ZSCAN32: variants seen among roughly 807,000 people sequenced by gnomAD.
ZSCAN32 encodes zinc finger and SCAN domain-containing protein 32.
In ZSCAN32, 52 loss-of-function variants were observed where a neutral mutation model predicts 47.4. That is an observed-to-expected ratio of 1.10 (90% CI 0.88 to 1.38). ZSCAN32 has a LOEUF of 1.38. ZSCAN32 is among the 40% of genes most tolerant of loss of function. The pLI is 0.00. For missense variants in ZSCAN32, 959 were observed against 846.0 expected, an observed-to-expected ratio of 1.13 and a Z score of -1.66; for synonymous variants, 346 against 305.7, an observed-to-expected ratio of 1.13 and a Z score of -1.38.
In ZSCAN32 at chr16:3,383,595, G is replaced by A. The variant is rs1308554722; in HGVS notation, c.1351C>T (p.Leu451=). Residue 451 remains leucine (L), a synonymous_variant, in exon 7 of 7, where the codon CTA becomes TTA. Coordinates refer to ENST00000396852, the MANE Select transcript of ZSCAN32 (RefSeq NM_001284527.2). ...GGCTCACTCTCCAAGCCTTTTTGTA[G>A]CTCAGAGTGCCAATAAACTCCTCTG... ...KSRGVYWHSE[L]QKGLESEPTS... is the part of the protein sequence containing the mutation. 1.2e-6 allele frequency: 2 copies of A among 1,613,714 alleles called. No individual in the cohort carries two copies. The highest frequency in any genetic ancestry group is 1.6e-4 in the Middle Eastern group (1 of 6,062).
chr16:3,392,991 C>G (rs542071518), intron 3 of ZSCAN32, among the ~76,000 whole-genome samples: 17 of 149,108 alleles, frequency 1.1e-4, no homozygotes, highest in African/African-American at 4.2e-4. Flanking sequence ...AACTGCTGTG[C>G]AGAAGGTGAA....
chr16:3,386,808 G>A (rs2032060858), intron 5 of ZSCAN32, among the ~76,000 whole-genome samples: 1 of 152,090 alleles, frequency 6.6e-6, no homozygotes, highest in Non-Finnish European at 1.5e-5. Flanking sequence ...GGGAGAGAGG[G>A]GAGGGATAGC....
At chr16:3,387,060 A>G (rs769703354) in intron 5 of ZSCAN32, among the ~76,000 whole-genome samples, 1 of 152,304 alleles carries the variant, frequency 6.6e-6, no homozygotes, top group East Asian at 1.9e-4. Flanking sequence ...CTTTTAGTAT[A>G]ATACAAAAGA....
In ZSCAN32 at chr16:3,382,231, TA is replaced by T. The variant is rs1259870436; in HGVS notation, c.*620del. 1 of 152,222 alleles carries T rather than the reference TA, an allele frequency of 6.6e-6. No individual in the cohort carries two copies. The highest frequency in any genetic ancestry group is 2.4e-5 in the African/African-American group (1 of 41,450). 9.4% of individuals were successfully genotyped at this position (152,222 alleles called of 1,614,324 possible). A position where few individuals can be genotyped will look rare whatever the true frequency, so the allele number is the denominator to read the frequency against. On this transcript the variant is annotated 3_prime_UTR_variant, in exon 7 of 7. Transcript: ENST00000396852. ...TCAGGAACTATGATGAGGGCAATAA[TA>T]AAAGGAGAAATCTTACAAAAAATTA...
rs2033087949 is a variant in ZSCAN32 at position 3,393,690 on chromosome 16, C to A, written c.491G>T (p.Gly164Val). ...TGGTCTTTGGTGTGAGCTCTGTGAT[C>A]CCTTAAAAGTCGGTTCCTCTGGCTG... The part of the protein sequence containing the change: ...EVQPEEPTFK[G>V]SQSSHQRPGE... Residue 164 changes from glycine (G) to valine (V), a missense_variant, in exon 3 of 7, where the codon GGA (glycine) becomes GTA (valine). Physicochemically the swap from Gly to Val is moderately radical, Grantham distance 109. Transcript: ENST00000396852. 7.1e-6 allele frequency: 11 copies of A among 1,549,806 alleles called. No homozygotes were observed. The East Asian group carries it at 7.3e-5, about 10-fold the overall frequency.
chr16:3,384,110 G>A (rs890923981), intron 6 of ZSCAN32: 1 of 507,340 alleles, frequency 2.0e-6, no homozygotes, highest in South Asian at 3.1e-5. Context: ...AAGGTGCTAA[G>A]TACCCAGCCA....
chr16:3,392,712 G>A (rs1284119317), intron 3 of ZSCAN32, among the ~76,000 whole-genome samples: 1 of 152,034 alleles, frequency 6.6e-6, no homozygotes, highest in Non-Finnish European at 1.5e-5. Flanking sequence ...TTTAGTCCCA[G>A]CTACTTGGGA....
chr16:3,398,700 G>T (rs866451166), intron 1 of ZSCAN32, among the ~76,000 whole-genome samples: 1 of 152,086 alleles, frequency 6.6e-6, no homozygotes, highest in African/African-American at 2.4e-5. Context: ...CACACACCTA[G>T]GTCTTTTTCC....
chr16:3,396,847 A>G (rs1373595515), intron 2 of ZSCAN32, among the ~76,000 whole-genome samples: 1 of 152,240 alleles, frequency 6.6e-6, no homozygotes, highest in Admixed American at 6.5e-5. Flanking sequence ...AGCTCCTAGC[A>G]TGAAACTAGA....
chr16:3,387,334 T>C (rs766534523), intron 5 of ZSCAN32, among the ~76,000 whole-genome samples: 1 of 152,204 alleles, frequency 6.6e-6, no homozygotes, highest in Non-Finnish European at 1.5e-5. Context: ...CCCTCCCTGA[T>C]ACAGGAATAC....
At chr16:3,399,616 T>G (rs1329156616) in intron 1 of ZSCAN32, among the ~76,000 whole-genome samples, 1 of 152,114 alleles carries the variant, frequency 6.6e-6, no homozygotes, top group Non-Finnish European at 1.5e-5. Flanking sequence ...ATTTTATTTG[T>G]TTTTTTATCT....
In ZSCAN32 at chr16:3,397,564, C is replaced by T. The variant is rs1207752505; in HGVS notation, c.-7G>A. The T allele has an allele frequency of 6.6e-7, 1 of 1,524,440 alleles. No homozygotes were observed. The highest frequency in any genetic ancestry group is 1.2e-5 in the South Asian group (1 of 81,016). The allele number at this position is 1,524,440 out of a possible 1,614,324, so 94.4% of individuals were successfully genotyped here. On this transcript the variant is annotated 5_prime_UTR_variant, in exon 2 of 7. An upstream open reading frame in the 5' UTR loses its in-frame stop. Coordinates refer to ENST00000396852, the MANE Select transcript of ZSCAN32 (RefSeq NM_001284527.2). Reference sequence around the variant, plus strand: ...TCTTCACTGCAGCCATCATTTGCTTCAACGAACTGGCTTACTCTGGTTGCC... The same window carrying T: ...TCTTCACTGCAGCCATCATTTGCTTTAACGAACTGGCTTACTCTGGTTGCC...
At chr16:3,387,147 T>C (rs2032108065) in intron 5 of ZSCAN32, among the ~76,000 whole-genome samples, 1 of 152,140 alleles carries the variant, frequency 6.6e-6, no homozygotes, top group Non-Finnish European at 1.5e-5. Context: ...TTATCCTCAA[T>C]CCTACTCATT....
At chr16:3,388,174 C>T (rs987863359) in intron 5 of ZSCAN32, among the ~76,000 whole-genome samples, 2 of 152,216 alleles carry the variant, frequency 1.3e-5, no homozygotes, top group African/African-American at 4.8e-5. Flanking sequence ...TCTCAGCTAG[C>T]AGCACTCATT....
chr16:3,389,922 CCTCT>C lies in ZSCAN32; in HGVS notation c.751+84_751+87del. 6 of 1,357,742 alleles carry C rather than the reference CCTCT, an allele frequency of 4.4e-6. No individual in the cohort carries two copies. In the South Asian group the frequency reaches 8.7e-5, roughly 20 times the overall value. The allele number at this position is 1,357,742 out of a possible 1,614,324, so 84.1% of individuals were successfully genotyped here. ...CCTCCACCCAACAGTCTCCCCACTC[CCTCT>C]GTCTCCCTCCCTCTCAAGTCCTTTC... On this transcript the variant is annotated intron_variant, in intron 5 of 6. Coordinates refer to ENST00000396852, the MANE Select transcript of ZSCAN32 (RefSeq NM_001284527.2).
rs908796191 is a variant in ZSCAN32 at position 3,383,099 on chromosome 16, T to C, written c.1847A>G (p.Asn616Ser). The C allele has an allele frequency of 1.4e-5, 22 of 1,614,076 alleles. No homozygotes were observed. Among genetic ancestry groups the C allele is most frequent in the Non-Finnish European group, 1.5e-5 (18 of 1,180,044 alleles). Residue 616 changes from asparagine (N) to serine (S), a missense_variant, in exon 7 of 7, where the codon AAC becomes AGC. Asn to Ser is a conservative substitution (Grantham distance 46). Transcript: ENST00000396852. ...CCGGTGAGCACTGAACTGGGAACTG[T>C]TGTTGAATCTCTTTCCACAGACAAT... ...QCIVCGKRFN[N>S]SSQFSAHRRI...
In ZSCAN32 at chr16:3,382,187, C is replaced by T. The variant is rs1467197919; in HGVS notation, c.*665G>A. On this transcript the variant is annotated 3_prime_UTR_variant, in exon 7 of 7. Transcript: ENST00000396852. ...ATCAGAAATAGTAATGTCTATAAACCACTTACTTTAAGAGACAATCAGGAA... is the reference window on the plus strand; with the variant it reads ...ATCAGAAATAGTAATGTCTATAAACTACTTACTTTAAGAGACAATCAGGAA... 1 of 152,016 alleles carries T rather than the reference C, an allele frequency of 6.6e-6. No homozygotes were observed. The allele number at this position is 152,016 out of a possible 1,614,324, so 9.4% of individuals were successfully genotyped here.
chr16:3,395,853 T>C (rs1032177608), intron 2 of ZSCAN32, among the ~76,000 whole-genome samples: 1 of 152,054 alleles, frequency 6.6e-6, no homozygotes, highest in African/African-American at 2.4e-5. Context: ...CAAAAATTAG[T>C]TGGGCATGGT....
chr16:3,390,221 TC>T, intron 4 of ZSCAN32, 88 bp from the exon 5 acceptor site: 2 of 1,488,096 alleles, frequency 1.3e-6, no homozygotes, highest in Non-Finnish European at 1.8e-6. Context: ...AGTTGTCAGA[TC>T]AGGGGCAAGG....
Sources: gnomAD v4.1 joint callset for allele counts (sites outside exome capture counted in the v4.1 genomes callset) on GRCh38, gnomAD v4.1.1 for gene constraint, MANE v1.5 for transcripts, NCBI Gene and HGNC (gene_info 2026-07-23, HGNC 2026-07-21) for gene names.